The following ERBB4 variants were observed in gnomAD, a reference collection of about 807,000 sequenced individuals.
ERBB4 encodes the protein receptor tyrosine-protein kinase erbB-4.
A neutral mutation model predicts 158.0 loss-of-function variants in ERBB4; 42 were observed. The ratio of observed to expected loss-of-function variants is 0.27; its 90% CI spans 0.21 to 0.34. The LOEUF is 0.34. ERBB4 is among the 10% of genes least tolerant of loss of function. The probability of loss-of-function intolerance (pLI) is 1.00; values close to 1 mark genes in which losing one functional copy is unlikely to be tolerated. For synonymous variants in ERBB4, 583 were observed against 558.7 expected, an observed-to-expected ratio of 1.04 and a Z score of -0.61; for missense variants, 1,333 against 1,624.1, an observed-to-expected ratio of 0.82 and a Z score of 3.08.
intron 4 of ERBB4, among the ~76,000 whole-genome samples, chr2:211,757,961 A>T (rs1036201407): frequency 2.6e-5 from 4 of 152,198 alleles, no homozygotes; most frequent in African/African-American, 4.8e-5. Flanking sequence ...CAGCTACTCC[A>T]TTTGCAGGCT....
At chr2:211,698,277 A>T (rs144996623) in intron 12 of ERBB4, among the ~76,000 whole-genome samples, 2 of 147,380 alleles carry the variant, frequency 1.4e-5, no homozygotes, top group Non-Finnish European at 3.0e-5. Flanking sequence ...GTGCCATTGC[A>T]CTCCAGCCTG....
chr2:212,006,279 A>G (rs1296694938), intron 2 of ERBB4, among the ~76,000 whole-genome samples: 1 of 152,158 alleles, frequency 6.6e-6, no homozygotes, highest in Non-Finnish European at 1.5e-5. Flanking sequence ...TTCAGTGTAT[A>G]AAAACAAATT....
chr2:212,373,688 TACATATATATCCATATATATATCC>T (rs1218730757), intron 1 of ERBB4, among the ~76,000 whole-genome samples: 1 of 148,142 alleles, frequency 6.8e-6, no homozygotes, highest in Non-Finnish European at 1.5e-5. Context: ...CCAATGGAGA[TACATATATATCCATATATATATCC>T]ACATATATAT....
chr2:211,818,371 C>T (rs2076922917), intron 3 of ERBB4, among the ~76,000 whole-genome samples: 1 of 152,004 alleles, frequency 6.6e-6, no homozygotes, highest in Admixed American at 6.6e-5. Context: ...TACAATATGG[C>T]AAGGAGTAAA....
intron 1 of ERBB4, among the ~76,000 whole-genome samples, chr2:212,381,996 G>A (rs1476779892): frequency 6.6e-6 from 1 of 150,918 alleles, no homozygotes; most frequent in Non-Finnish European, 1.5e-5. Context: ...TGTTTATGGA[G>A]CAGAAGCAAC....
intron 27 of ERBB4, among the ~76,000 whole-genome samples, chr2:211,385,856 G>A (rs1330897789): frequency 6.6e-6 from 1 of 152,130 alleles, no homozygotes; most frequent in Non-Finnish European, 1.5e-5. Context: ...AATCTGCCAA[G>A]TCTTCACAAC....
intron 2 of ERBB4, among the ~76,000 whole-genome samples, chr2:212,063,201 T>C (rs1359733346): frequency 1.3e-5 from 2 of 151,998 alleles, no homozygotes; most frequent in African/African-American, 4.8e-5. Context: ...TTACAAAGAG[T>C]AATAAAATGA....
intron 2 of ERBB4, among the ~76,000 whole-genome samples, chr2:212,098,171 C>A (rs1363470942): frequency 6.6e-6 from 1 of 152,190 alleles, no homozygotes; most frequent in Non-Finnish European, 1.5e-5. Flanking sequence ...GCTTAATCTT[C>A]ATGGCTCCCT....
At chr2:212,303,750 CAG>C (rs1365030642) in intron 1 of ERBB4, among the ~76,000 whole-genome samples, 1 of 151,450 alleles carries the variant, frequency 6.6e-6, no homozygotes, top group Non-Finnish European at 1.5e-5. Flanking sequence ...TATTTGAAAT[CAG>C]AGTCAGCTTT....
chr2:211,470,407 A>G (rs2064803175), intron 20 of ERBB4, among the ~76,000 whole-genome samples: 1 of 152,158 alleles, frequency 6.6e-6, no homozygotes, highest in Admixed American at 6.6e-5. Context: ...AACATATTAC[A>G]GAACAGTTGT....
intron 2 of ERBB4, among the ~76,000 whole-genome samples, chr2:212,072,215 C>T (rs1469509417): frequency 1.3e-5 from 2 of 151,966 alleles, no homozygotes; most frequent in Non-Finnish European, 1.5e-5. Context: ...ATGGATAAGT[C>T]ATCCTCACCT....
At chr2:211,995,825 G>C (rs919995136) in intron 2 of ERBB4, among the ~76,000 whole-genome samples, 7 of 152,102 alleles carry the variant, frequency 4.6e-5, no homozygotes, top group African/African-American at 1.7e-4. Flanking sequence ...TGGAATAAGA[G>C]ATCCTTTTTA....
intron 1 of ERBB4, among the ~76,000 whole-genome samples, chr2:212,501,388 C>A (rs1036624972): frequency 1.3e-5 from 2 of 151,986 alleles, no homozygotes; most frequent in African/African-American, 4.8e-5. Context: ...CAAGGTCAAA[C>A]CCTGATCCAT....
intron 20 of ERBB4, among the ~76,000 whole-genome samples, chr2:211,482,811 A>T (rs1421599891): frequency 6.6e-6 from 1 of 152,202 alleles, no homozygotes; most frequent in Non-Finnish European, 1.5e-5. Flanking sequence ...AGGCTGAGGC[A>T]GGAGAATCGC....
intron 1 of ERBB4, among the ~76,000 whole-genome samples, chr2:212,214,645 T>C (rs1574449807): frequency 6.7e-6 from 1 of 148,328 alleles, no homozygotes; most frequent in Admixed American, 6.7e-5. Context: ...TTTCCATACA[T>C]TGCTGATGGA....
rs143254902 is a variant in ERBB4, at chr2:211,438,050, A to G, written c.2488-6950T>C. On this transcript the variant is annotated intron_variant, in intron 20 of 27. Coordinates refer to ENST00000342788, the MANE Select transcript of ERBB4 (RefSeq NM_005235.3). ...AATCAACTGAGGGACCTTTTTAACC[A>G]GCAGAAGCTGGTTCATGGCAGAATA... Among the ~76,000 whole-genome samples the G allele has an allele frequency of 1.9e-3, 294 of 152,292 alleles. 3 individuals are homozygous for G. Among genetic ancestry groups the G allele is most frequent in the African/African-American group, 6.7e-3 (279 of 41,570 alleles).
At position 211,377,117 on chromosome 2, in the gene ERBB4, C is replaced by G. The variant is rs1339783884; in HGVS notation, c.*6498G>C. The G allele has an allele frequency of 8.6e-6, 2 of 232,842 alleles. No individual in the cohort carries two copies. The highest frequency in any genetic ancestry group is 1.7e-5 in the Non-Finnish European group (2 of 117,624). The allele number at this position is 232,842 out of a possible 1,614,324, so 14.4% of individuals were successfully genotyped here. A position where few individuals can be genotyped will look rare whatever the true frequency, so the allele number is the denominator to read the frequency against. On this transcript the variant is annotated 3_prime_UTR_variant, in exon 28 of 28. Coordinates refer to ENST00000342788, the MANE Select transcript of ERBB4 (RefSeq NM_005235.3). ...CTATGGTTGTAGTCCCCTCACTCCC[C>G]CCTCCCAGCCCCTGAGAGATCCAGA...
chr2:212,102,614 G>A (rs1356568506), intron 2 of ERBB4, among the ~76,000 whole-genome samples: 1 of 152,064 alleles, frequency 6.6e-6, no homozygotes, highest in Non-Finnish European at 1.5e-5. Flanking sequence ...CAGATATACT[G>A]TTAGTCATGT....
chr2:212,097,751 C>T (rs978273717), intron 2 of ERBB4, among the ~76,000 whole-genome samples: 1 of 152,122 alleles, frequency 6.6e-6, no homozygotes, highest in African/African-American at 2.4e-5. Flanking sequence ...AAATGGTCAG[C>T]AACATCAAAT....
Sources: gnomAD v4.1 joint callset for allele counts (sites outside exome capture counted in the v4.1 genomes callset) on GRCh38, gnomAD v4.1.1 for gene constraint, MANE v1.5 for transcripts, NCBI Gene and HGNC (gene_info 2026-07-23, HGNC 2026-07-21) for gene names.